NKAPD1: variants seen among roughly 807,000 people sequenced by gnomAD.
NKAPD1 encodes uncharacterized protein NKAPD1.
In NKAPD1, 12 loss-of-function variants were observed where a neutral mutation model predicts 30.9. The observed-to-expected ratio is 0.39, with a 90% CI of 0.25 to 0.63. NKAPD1 has a LOEUF of 0.63. NKAPD1 is among the 20% of genes least tolerant of loss of function. The pLI is 0.51. For synonymous variants in NKAPD1, 91 were observed against 113.6 expected (o/e 0.80, Z 1.26); for missense variants, 311 against 344.5 (o/e 0.90, Z 0.77).
chr11:112,079,141 A>T lies in NKAPD1; in HGVS notation c.170+826A>T, dbSNP rs11605765. On this transcript the variant is annotated intron_variant, in intron 3 of 5. Transcript: ENST00000393047. ...ACCTGGTACATAGGAGGCCCTTACA[A>T]TTTTTTTTTTTTTTTTTTTTTGAGA... Among the ~76,000 whole-genome samples, 349 of 115,924 alleles carry T rather than the reference A, an allele frequency of 3.0e-3. 4 individuals are homozygous for T. Among genetic ancestry groups the T allele is most frequent in the Non-Finnish European group, 3.0e-3 (178 of 59,854 alleles). 76.1% of individuals were successfully genotyped at this position (115,924 alleles called of 152,430 possible).
chr11:112,074,727 G>T lies in NKAPD1; in HGVS notation c.-198G>T. 1 of 380,016 alleles carries T rather than the reference G, an allele frequency of 2.6e-6. No homozygotes were observed. The highest frequency in any genetic ancestry group is 4.7e-6 in the Non-Finnish European group (1 of 214,426). The allele number at this position is 380,016 out of a possible 1,614,324, so 23.5% of individuals were successfully genotyped here. On this transcript the variant is annotated 5_prime_UTR_variant, in exon 1 of 6. Coordinates refer to ENST00000393047, the MANE Select transcript of NKAPD1 (RefSeq NM_018195.4). ...TGTCGGTCTGGGCTGGGGGAAACGC[G>T]GCAGTGGCCTGGGCCACAGGTGAGG...
intron 1 of NKAPD1, 73 bp downstream of exon 1, chr11:112,074,989 T>G (rs1406851276): frequency 6.4e-6 from 1 of 156,056 alleles, no homozygotes; most frequent in Non-Finnish European, 1.4e-5. Flanking sequence ...CATCTAGTTT[T>G]TGGAAGCTTC....
chr11:112,083,076 C>G lies in NKAPD1; in HGVS notation c.*104C>G. ...TTCAGCACGGGGCCTGAGGTCAGAGCTGTCTTGTGCCATCTGTATGTTCTG... is the reference window on the plus strand; with the variant it reads ...TTCAGCACGGGGCCTGAGGTCAGAGGTGTCTTGTGCCATCTGTATGTTCTG... On this transcript the variant is annotated 3_prime_UTR_variant, in exon 6 of 6. Transcript: ENST00000393047. The G allele has an allele frequency of 1.2e-5, 15 of 1,200,506 alleles. No homozygotes were observed. Among genetic ancestry groups the G allele is most frequent in the Non-Finnish European group, 1.7e-5 (15 of 888,468 alleles). The allele number at this position is 1,200,506 out of a possible 1,614,324, so 74.4% of individuals were successfully genotyped here. A position where few individuals can be genotyped will look rare whatever the true frequency, so the allele number is the denominator to read the frequency against.
In NKAPD1 at chr11:112,075,732, G is replaced by C. The variant is rs11214076; in HGVS notation, c.69+89G>C. 1.2e-5 allele frequency: 16 copies of C among 1,347,118 alleles called. No homozygotes were observed. The East Asian group carries it at 2.5e-4, about 21-fold the overall frequency. 83.4% of individuals were successfully genotyped at this position (1,347,118 alleles called of 1,614,324 possible). A position where few individuals can be genotyped will look rare whatever the true frequency, so the allele number is the denominator to read the frequency against. On this transcript the variant is annotated intron_variant, in intron 2 of 5. Transcript: ENST00000393047. ...TTTTGGAACAACTGGGAGATACAAA[G>C]AATATTCTTGTCATCTAGTTTTTGG...
chr11:112,083,068 G>A lies in NKAPD1; in HGVS notation c.*96G>A. On this transcript the variant is annotated 3_prime_UTR_variant, in exon 6 of 6. Coordinates refer to ENST00000393047, the MANE Select transcript of NKAPD1 (RefSeq NM_018195.4). ...GACTCTTGTTCAGCACGGGGCCTGA[G>A]GTCAGAGCTGTCTTGTGCCATCTGT... 6 of 1,336,752 alleles carry A rather than the reference G, an allele frequency of 4.5e-6. No individual in the cohort carries two copies. Among genetic ancestry groups the A allele is most frequent in the Middle Eastern group, 2.1e-4 (1 of 4,662 alleles). 82.8% of individuals were successfully genotyped at this position (1,336,752 alleles called of 1,614,324 possible). A position where few individuals can be genotyped will look rare whatever the true frequency, so the allele number is the denominator to read the frequency against.
intron 4 of NKAPD1, chr11:112,081,024 A>G (rs1865438288): frequency 6.5e-6 from 1 of 154,678 alleles, no homozygotes. Context: ...ACTTCAATAA[A>G]GTTGTTATTT....
chr11:112,080,101 C>T (rs1421390941), intron 3 of NKAPD1, among the ~76,000 whole-genome samples: 1 of 152,044 alleles, frequency 6.6e-6, no homozygotes, highest in Non-Finnish European at 1.5e-5. Flanking sequence ...AGGCATGAGC[C>T]ACTGCACCTG....
At chr11:112,077,964 G>A (rs2135244992) in intron 2 of NKAPD1, among the ~76,000 whole-genome samples, 1 of 151,944 alleles carries the variant, frequency 6.6e-6, no homozygotes, top group East Asian at 1.9e-4. Context: ...TCCTGCCTCA[G>A]CCTCCTGAGT....
chr11:112,079,860 G>A (rs576993777), intron 3 of NKAPD1, among the ~76,000 whole-genome samples: 1 of 151,534 alleles, frequency 6.6e-6, no homozygotes, highest in East Asian at 1.9e-4. Context: ...TGCCCAGGCT[G>A]GAGTACAATG....
At position 112,074,531 on chromosome 11, in the gene NKAPD1, G is replaced by T. The variant is rs1399438601; in HGVS notation, c.-394G>T. 5.0e-6 allele frequency: 2 copies of T among 398,924 alleles called. No homozygotes were observed. The highest frequency in any genetic ancestry group is 4.4e-6 in the Non-Finnish European group (1 of 226,132). The allele number at this position is 398,924 out of a possible 1,614,324, so 24.7% of individuals were successfully genotyped here. ...TCAGGCTCCCTAGATACTTTCTGGG[G>T]CCCAACCGAAGGCCGTAGCCATCCA... On this transcript the variant is annotated 5_prime_UTR_variant, in exon 1 of 6. Coordinates refer to ENST00000393047, the MANE Select transcript of NKAPD1 (RefSeq NM_018195.4).
chr11:112,075,418 T>G (rs1414116736), intron 1 of NKAPD1, 149 bp from the exon 2 acceptor site: 1 of 616,548 alleles, frequency 1.6e-6, no homozygotes, highest in East Asian at 3.0e-5. Context: ...TTCCCTCTTT[T>G]AATGGTAAAG....
chr11:112,083,077 T>C lies in NKAPD1; in HGVS notation c.*105T>C. ...TCAGCACGGGGCCTGAGGTCAGAGCTGTCTTGTGCCATCTGTATGTTCTGA... is the reference window on the plus strand; with the variant it reads ...TCAGCACGGGGCCTGAGGTCAGAGCCGTCTTGTGCCATCTGTATGTTCTGA... On this transcript the variant is annotated 3_prime_UTR_variant, in exon 6 of 6. Transcript: ENST00000393047. 1 of 1,202,826 alleles carries C rather than the reference T, an allele frequency of 8.3e-7. No individual in the cohort carries two copies. 74.5% of individuals were successfully genotyped at this position (1,202,826 alleles called of 1,614,324 possible). A position where few individuals can be genotyped will look rare whatever the true frequency, so the allele number is the denominator to read the frequency against.
intron 4 of NKAPD1, 109 bp from the exon 5 acceptor site, chr11:112,081,873 T>G: frequency 1.2e-6 from 1 of 827,704 alleles, no homozygotes; most frequent in Non-Finnish European, 2.0e-6. Flanking sequence ...TATCTCTACT[T>G]TGTGTTTATG....
chr11:112,083,130 T>A lies in NKAPD1; in HGVS notation c.*158T>A. 1.5e-6 allele frequency: 1 copy of A among 668,142 alleles called. No individual in the cohort carries two copies. Among genetic ancestry groups the A allele is most frequent in the Non-Finnish European group, 2.3e-6 (1 of 438,118 alleles). 41.4% of individuals were successfully genotyped at this position (668,142 alleles called of 1,614,324 possible). ...GACGTCTTGTCTTCTATTTTGGCGT[T>A]AAGCTTGATCCCCTTTTCTTGTTAA... is the stretch of plus-strand genomic sequence containing the variant. On this transcript the variant is annotated 3_prime_UTR_variant, in exon 6 of 6. Coordinates refer to ENST00000393047, the MANE Select transcript of NKAPD1 (RefSeq NM_018195.4).
chr11:112,075,581 C>T lies in NKAPD1; in HGVS notation c.7C>T (p.Arg3Trp), dbSNP rs368923358. 31 of 1,606,986 alleles carry T rather than the reference C, an allele frequency of 1.9e-5. No homozygotes were observed. Among genetic ancestry groups the T allele is most frequent in the Non-Finnish European group, 2.4e-5 (28 of 1,177,610 alleles). Residue 3 changes from arginine (R) to tryptophan (W), a missense_variant, in exon 2 of 6, where the codon CGG (arginine) becomes TGG (tryptophan). By Grantham distance (101) the Arg-to-Trp change is moderately radical. Transcript: ENST00000393047. ...ATTCATTTCAGATTGAAGAATGTCC[C>T]GGATTCCACTGGGGAAGGTCCTCCT... is the stretch of plus-strand genomic sequence containing the variant. MS[R>W]IPLGKVLLRN...
chr11:112,077,981 G>A (rs1455734634), intron 2 of NKAPD1, among the ~76,000 whole-genome samples: 1 of 151,994 alleles, frequency 6.6e-6, no homozygotes, highest in Non-Finnish European at 1.5e-5. Context: ...GAGTAGCTGG[G>A]ATTACAGGTG....
intron 3 of NKAPD1, among the ~76,000 whole-genome samples, chr11:112,079,607 T>C (rs1865402241): frequency 6.6e-6 from 1 of 152,200 alleles, no homozygotes. Context: ...AGTAAGTTGC[T>C]GGTTTGCACA....
chr11:112,076,620 A>G (rs1675555046), intron 2 of NKAPD1, among the ~76,000 whole-genome samples: 1 of 152,224 alleles, frequency 6.6e-6, no homozygotes, highest in Admixed American at 6.5e-5. Context: ...TGTATTATAT[A>G]CTGTATTCTT....
chr11:112,079,718 C>T (rs554198386), intron 3 of NKAPD1, among the ~76,000 whole-genome samples: 4 of 152,278 alleles, frequency 2.6e-5, no homozygotes, highest in Admixed American at 6.5e-5. Flanking sequence ...TGAGAATCAG[C>T]GAGTGAACTA....
Sources: allele counts gnomAD v4.1 joint callset (sites outside exome capture counted in the v4.1 genomes callset), GRCh38; gene constraint gnomAD v4.1.1; transcripts MANE v1.5; gene names NCBI Gene and HGNC (gene_info 2026-07-23, HGNC 2026-07-21).